The following ELP4 variants were observed in gnomAD, a reference collection of about 807,000 sequenced individuals.
ELP4 encodes elongator acetyltransferase complex subunit 4, also known as elongator complex protein 4.
A neutral mutation model predicts 48.9 loss-of-function variants in ELP4; 51 were observed. The observed-to-expected ratio is 1.04, with a 90% CI of 0.83 to 1.32. The LOEUF is 1.32. Ranked by LOEUF, ELP4 falls within the 40% of genes most tolerant of loss-of-function variation. ELP4 has a pLI of 0.00. For missense variants in ELP4, 519 were observed against 514.6 expected (o/e 1.01, Z -0.08); for synonymous variants, 210 against 189.2 (o/e 1.11, Z -0.90).
At chr11:31,627,413 A>G (rs1284741662) in intron 6 of ELP4, among the ~76,000 whole-genome samples, 1 of 152,004 alleles carries the variant, frequency 6.6e-6, no homozygotes, top group African/African-American at 2.4e-5. Flanking sequence ...GGCACATAAG[A>G]CATACACATA....
intron 9 of ELP4, among the ~76,000 whole-genome samples, chr11:31,732,481 A>AAT (rs1554974521): frequency 6.9e-6 from 1 of 145,894 alleles, no homozygotes; most frequent in African/African-American, 2.8e-5. Context: ...AAAAAAAAAA[A>AAT]AATAAATGAA....
chr11:31,702,639 G>C (rs1946549727), intron 9 of ELP4, among the ~76,000 whole-genome samples: 1 of 152,016 alleles, frequency 6.6e-6, no homozygotes, highest in African/African-American at 2.4e-5. Context: ...CCTTATCATA[G>C]ACATTAGTTA....
chr11:31,660,686 C>A (rs551842651), intron 9 of ELP4, among the ~76,000 whole-genome samples: 5 of 151,780 alleles, frequency 3.3e-5, no homozygotes, highest in South Asian at 2.1e-4. Flanking sequence ...TTAAGTGTAG[C>A]AAAACACAAC....
At chr11:31,747,229 G>T (rs1274678319) in intron 9 of ELP4, among the ~76,000 whole-genome samples, 1 of 152,114 alleles carries the variant, frequency 6.6e-6, no homozygotes, top group Non-Finnish European at 1.5e-5. Context: ...CAGTCCTTGT[G>T]TTTTAACTTT....
intron 9 of ELP4, among the ~76,000 whole-genome samples, chr11:31,690,000 A>G (rs779230409): frequency 2.6e-5 from 4 of 152,138 alleles, no homozygotes; most frequent in Non-Finnish European, 2.9e-5. Flanking sequence ...AATGGAACCA[A>G]AATTAATGTT....
At chr11:31,722,927 G>A (rs1263533988) in intron 9 of ELP4, among the ~76,000 whole-genome samples, 1 of 152,198 alleles carries the variant, frequency 6.6e-6, no homozygotes, top group African/African-American at 2.4e-5. Context: ...GTCACCAGAA[G>A]TGGGGAAGTC....
chr11:31,675,841 G>A lies in ELP4; in HGVS notation c.1143+25620G>A, dbSNP rs188636429. On this transcript the variant is annotated intron_variant, in intron 9 of 9. Transcript: ENST00000640961. Reference sequence around the variant, plus strand: ...TCTGACAGAAAATCCTGTTGGCTTTGCTTTAAAATATATTCATAATTTAAA... The same window carrying A: ...TCTGACAGAAAATCCTGTTGGCTTTACTTTAAAATATATTCATAATTTAAA... Among the ~76,000 whole-genome samples, 10 of 151,858 alleles carry A rather than the reference G, an allele frequency of 6.6e-5. No homozygotes were observed. In the East Asian group the frequency reaches 1.7e-3, roughly 27 times the overall value.
chr11:31,664,329 G>A (rs1183620894), intron 9 of ELP4: 1 of 152,030 alleles, frequency 6.6e-6, no homozygotes, highest in Non-Finnish European at 1.5e-5. Context: ...TAATGAGGAT[G>A]GATAATACTG....
chr11:31,615,133 A>G (rs560440851), intron 5 of ELP4, among the ~76,000 whole-genome samples: 1 of 152,046 alleles, frequency 6.6e-6, no homozygotes, highest in Admixed American at 6.6e-5. Flanking sequence ...TCAGCAACTT[A>G]CTCTCAAGTG....
intron 2 of ELP4, among the ~76,000 whole-genome samples, chr11:31,532,733 C>T (rs150830491): frequency 6.9e-6 from 1 of 145,004 alleles, no homozygotes; most frequent in Admixed American, 6.9e-5. Flanking sequence ...TTTTTATGTT[C>T]TCAGGGTGTA....
At chr11:31,602,265 A>G (rs1434423790) in intron 4 of ELP4, among the ~76,000 whole-genome samples, 1 of 152,078 alleles carries the variant, frequency 6.6e-6, no homozygotes, top group Non-Finnish European at 1.5e-5. Context: ...TAATCCGGAT[A>G]AAGAATAGAT....
chr11:31,595,362 C>T (rs1430446995), intron 4 of ELP4, among the ~76,000 whole-genome samples: 1 of 152,066 alleles, frequency 6.6e-6, no homozygotes, highest in Non-Finnish European at 1.5e-5. Context: ...AGAACAAATG[C>T]CAATAAATCT....
At chr11:31,542,305 C>G (rs1363568557) in intron 3 of ELP4, among the ~76,000 whole-genome samples, 1 of 152,112 alleles carries the variant, frequency 6.6e-6, no homozygotes, top group Non-Finnish European at 1.5e-5. Flanking sequence ...CAAGGAAATT[C>G]TATTTATAAA....
At chr11:31,719,824 G>C (rs1217029827) in intron 9 of ELP4, 1 of 208,154 alleles carries the variant, frequency 4.8e-6, no homozygotes, top group Non-Finnish European at 9.5e-6. Context: ...TAGAGAGACT[G>C]GTGAATGTGG....
At chr11:31,556,151 T>C (rs1240861299) in intron 3 of ELP4, among the ~76,000 whole-genome samples, 1 of 151,902 alleles carries the variant, frequency 6.6e-6, no homozygotes, top group Non-Finnish European at 1.5e-5. Context: ...TGAAAACATA[T>C]TCATGCCTAT....
At chr11:31,562,797 A>G (rs1399080434) in intron 3 of ELP4, among the ~76,000 whole-genome samples, 1 of 152,130 alleles carries the variant, frequency 6.6e-6, no homozygotes, top group African/African-American at 2.4e-5. Flanking sequence ...TTTTTATGCA[A>G]TATCATCTAT....
chr11:31,574,438 G>A (rs561862325), intron 3 of ELP4, among the ~76,000 whole-genome samples: 13 of 152,244 alleles, frequency 8.5e-5, no homozygotes, highest in Non-Finnish European at 1.6e-4. Context: ...GAGAGTAGTC[G>A]TTCTCCCAGC....
At chr11:31,555,629 T>C (rs1956919428) in intron 3 of ELP4, among the ~76,000 whole-genome samples, 1 of 151,842 alleles carries the variant, frequency 6.6e-6, no homozygotes, top group Non-Finnish European at 1.5e-5. Flanking sequence ...GTTTAGAATA[T>C]ACTATATTTA....
intron 2 of ELP4, among the ~76,000 whole-genome samples, chr11:31,521,982 AAT>A (rs1956221177): frequency 1.3e-5 from 2 of 152,144 alleles, no homozygotes; most frequent in South Asian, 2.1e-4. Flanking sequence ...AATACAATAT[AAT>A]CTTCTGGAAA....
Sources: gnomAD v4.1 joint callset for allele counts (sites outside exome capture counted in the v4.1 genomes callset) on GRCh38, gnomAD v4.1.1 for gene constraint, MANE v1.5 for transcripts, NCBI Gene and HGNC (gene_info 2026-07-23, HGNC 2026-07-21) for gene names.